The following PXDNL variants were observed in gnomAD, a reference collection of about 807,000 sequenced individuals.
The protein encoded by PXDNL is peroxidasin like.
Under a neutral mutation model 150.8 loss-of-function variants are expected in PXDNL, and 145 were observed. That is an observed-to-expected ratio of 0.96 (90% confidence interval 0.84 to 1.10). The LOEUF (loss-of-function observed/expected upper bound fraction) is 1.10, where lower values mean the gene tolerates loss of function less well. PXDNL is among the 50% of genes least tolerant of loss of function. The pLI, the probability that PXDNL is intolerant of heterozygous loss-of-function variation, is 0.00. For missense variants in PXDNL, 2,087 were observed against 1,873.9 expected (o/e 1.11, Z -2.10); for synonymous variants, 757 against 725.7 (o/e 1.04, Z -0.69).
chr8:51,628,399 C>CTTTTTTTTTTTTT lies in PXDNL; in HGVS notation c.236+26277_236+26289dup, dbSNP rs71550276. Among the ~76,000 whole-genome samples, 101 of 69,784 alleles carry CTTTTTTTTTTTTT rather than the reference C, an allele frequency of 1.4e-3. 4 individuals are homozygous for CTTTTTTTTTTTTT. The highest frequency in any genetic ancestry group is 0.017 in the Middle Eastern group (1 of 60). The allele number at this position is 69,784 out of a possible 152,430, so 45.8% of individuals were successfully genotyped here. On this transcript the variant is annotated intron_variant, in intron 2 of 22. Coordinates refer to ENST00000356297, the MANE Select transcript of PXDNL (RefSeq NM_144651.5). Reference sequence around the variant, plus strand: ...ATCTCTCTCTGTTTTCTTTTCTTTTCTTTTTTTTTTTTTTTTTTTTTTTGG... The same window carrying CTTTTTTTTTTTTT: ...ATCTCTCTCTGTTTTCTTTTCTTTTCTTTTTTTTTTTTTTTTTTTTTTTTTTTTTTTTTTTTGG...
Position 51,423,674 on chromosome 8 carries a change from T to C in PXDNL, c.1696A>G (p.Thr566Ala), listed in dbSNP as rs756696451. The stretch of plus-strand genomic sequence containing the variant: ...TCAGGGAACCCTGCGTCGTAGATAG[T>C]CAGCGTGCCTTCATCATCCACATGG... ...KFHVDDEGTL[T>A]IYDAGFPDQG... The change falls in exon 14 of 23, where the codon ACT (threonine) becomes GCT (alanine). Residue 566 changes from threonine to alanine, a missense_variant. Thr to Ala is a moderately conservative substitution (Grantham distance 58). Transcript: ENST00000356297. 6.2e-7 allele frequency: 1 copy of C among 1,613,924 alleles called. No individual in the cohort carries two copies.
chr8:51,698,537 T>C (rs1816190692), intron 1 of PXDNL, among the ~76,000 whole-genome samples: 1 of 152,218 alleles, frequency 6.6e-6, no homozygotes, highest in African/African-American at 2.4e-5. Flanking sequence ...TCTGCAGTTA[T>C]TTCTTCCACT....
chr8:51,513,147 G>A (rs1010356235), intron 4 of PXDNL, among the ~76,000 whole-genome samples: 1 of 152,232 alleles, frequency 6.6e-6, no homozygotes, highest in Non-Finnish European at 1.5e-5. Context: ...TTGAAGACCT[G>A]GTTGCAGAGG....
chr8:51,634,784 T>G (rs1389892769), intron 2 of PXDNL, among the ~76,000 whole-genome samples: 1 of 152,084 alleles, frequency 6.6e-6, no homozygotes, highest in African/African-American at 2.4e-5. Flanking sequence ...GGTTTGAACA[T>G]TATTAGTGTA....
In PXDNL at chr8:51,409,442, G is replaced by C; in HGVS notation, c.2182C>G (p.Arg728Gly). ...CSNRCFHAKYRAHDGTCNNLQ... is the reference protein window; with the variant it reads ...CSNRCFHAKYGAHDGTCNNLQ... ...TTGTTGCACGTGCCGTCGTGGGCGC[G>C]GTACTTCGCATGGAAACACCGGTTG... Residue 728 changes from arginine to glycine, a missense_variant, in exon 17 of 23, where the codon CGC (arginine) becomes GGC (glycine). Transcript: ENST00000356297. 6.2e-7 allele frequency: 1 copy of C among 1,612,588 alleles called. No homozygotes were observed. Among genetic ancestry groups the C allele is most frequent in the South Asian group, 1.1e-5 (1 of 91,074 alleles).
chr8:51,391,922 G>A (rs1198184640), intron 17 of PXDNL, among the ~76,000 whole-genome samples: 2 of 152,190 alleles, frequency 1.3e-5, no homozygotes, highest in Non-Finnish European at 2.9e-5. Flanking sequence ...TGTATAAGGT[G>A]TAAGGAAGGG....
At chr8:51,695,510 T>C (rs1816100353) in intron 1 of PXDNL, among the ~76,000 whole-genome samples, 1 of 152,050 alleles carries the variant, frequency 6.6e-6, no homozygotes, top group Non-Finnish European at 1.5e-5. Context: ...ATACTTCTTG[T>C]GTTTGGTGTC....
chr8:51,699,982 A>C (rs1461945708), intron 1 of PXDNL, among the ~76,000 whole-genome samples: 1 of 152,154 alleles, frequency 6.6e-6, no homozygotes, highest in Non-Finnish European at 1.5e-5. Context: ...AATAATGAAA[A>C]GGTTTGAAAT....
At chr8:51,382,202 C>T (rs1265794003) in intron 17 of PXDNL, among the ~76,000 whole-genome samples, 1 of 152,136 alleles carries the variant, frequency 6.6e-6, no homozygotes, top group Non-Finnish European at 1.5e-5. Context: ...TGTCCTACAG[C>T]AGAGGCAGGG....
At chr8:51,324,680 C>A (rs1805430429) in intron 21 of PXDNL, among the ~76,000 whole-genome samples, 1 of 152,194 alleles carries the variant, frequency 6.6e-6, no homozygotes, top group Non-Finnish European at 1.5e-5. Context: ...TTCCAGTTCA[C>A]TGATTCTTTC....
chr8:51,581,728 CT>C (rs1441447327), intron 3 of PXDNL, among the ~76,000 whole-genome samples: 28 of 151,992 alleles, frequency 1.8e-4, no homozygotes, highest in African/African-American at 6.8e-4. Context: ...CAATTCTGGT[CT>C]CATAAAAGCA....
intron 1 of PXDNL, among the ~76,000 whole-genome samples, chr8:51,719,093 C>T (rs1472190234): frequency 3.3e-5 from 5 of 152,104 alleles, no homozygotes; most frequent in Non-Finnish European, 5.9e-5. Flanking sequence ...CGCCTCTGCC[C>T]GGCCGCCCCT....
At chr8:51,385,455 T>C (rs918711972) in intron 17 of PXDNL, among the ~76,000 whole-genome samples, 5 of 152,226 alleles carry the variant, frequency 3.3e-5, no homozygotes, top group African/African-American at 1.2e-4. Context: ...ATCATGCTTT[T>C]AATTTCTGAT....
At chr8:51,577,991 GAA>G (rs1563471116) in intron 3 of PXDNL, among the ~76,000 whole-genome samples, 178 of 55,738 alleles carry the variant, frequency 3.2e-3, no homozygotes, top group African/African-American at 6.9e-3. Context: ...AAGAAAGAAA[GAA>G]AGAAAGAGGA....
chr8:51,674,099 C>T (rs962834563), intron 1 of PXDNL, among the ~76,000 whole-genome samples: 1 of 152,176 alleles, frequency 6.6e-6, no homozygotes, highest in Non-Finnish European at 1.5e-5. Context: ...CTCTTTAATA[C>T]TCAGTGCCTC....
chr8:51,739,726 A>C (rs1055588599), intron 1 of PXDNL, among the ~76,000 whole-genome samples: 15 of 152,066 alleles, frequency 9.9e-5, no homozygotes, highest in Non-Finnish European at 1.2e-4. Flanking sequence ...AAAATAAAAA[A>C]TTAGCTGGGC....
intron 4 of PXDNL, among the ~76,000 whole-genome samples, chr8:51,503,166 A>G (rs890463014): frequency 1.3e-5 from 2 of 152,028 alleles, no homozygotes; most frequent in Non-Finnish European, 2.9e-5. Context: ...TCTTAGACTC[A>G]CCCAGAGATG....
At position 51,345,891 on chromosome 8, in the gene PXDNL, A is replaced by C. The variant is rs376461949; in HGVS notation, c.3958T>G (p.Ser1320Ala). 5.6e-6 allele frequency: 9 copies of C among 1,613,902 alleles called. No individual in the cohort carries two copies. Among genetic ancestry groups the C allele is most frequent in the Non-Finnish European group, 7.6e-6 (9 of 1,179,792 alleles). ...AVTQESQKKR[S>A]AQYSYPVDKD... ...TCAACAGGATAGCTGTATTGAGCTG[A>C]GCGTTTCTTTTGAGACTCTTGCGTC... is the stretch of plus-strand genomic sequence containing the variant. The change falls in exon 20 of 23, where the codon TCA becomes GCA. Residue 1320 changes from serine to alanine, a missense_variant. Transcript: ENST00000356297.
chr8:51,759,010 A>C (rs930235721), intron 1 of PXDNL, among the ~76,000 whole-genome samples: 1 of 152,188 alleles, frequency 6.6e-6, no homozygotes, highest in African/African-American at 2.4e-5. Context: ...AGAGCAAGAC[A>C]TGGGGAGAAG....
Sources: allele counts gnomAD v4.1 joint callset (sites outside exome capture counted in the v4.1 genomes callset), GRCh38; gene constraint gnomAD v4.1.1; transcripts MANE v1.5; gene names NCBI Gene and HGNC (gene_info 2026-07-23, HGNC 2026-07-21).